KCNMA1: variants seen among roughly 807,000 people sequenced by gnomAD.
The protein encoded by KCNMA1 is potassium calcium-activated channel subfamily M alpha 1.
A neutral mutation model predicts 140.0 loss-of-function variants in KCNMA1; 29 were observed. The ratio of observed to expected loss-of-function variants is 0.21; its 90% CI spans 0.15 to 0.28. The LOEUF is 0.28. KCNMA1 is among the 10% of genes least tolerant of loss of function. The pLI, the probability that KCNMA1 is intolerant of heterozygous loss-of-function variation, is 1.00. For synonymous variants in KCNMA1, 612 were observed against 611.9 expected (o/e 1.00, Z 0.00); for missense variants, 880 against 1,602.2 (o/e 0.55, Z 7.70).
chr10:77,307,867 A>T (rs893963178), intron 2 of KCNMA1, among the ~76,000 whole-genome samples: 1 of 152,136 alleles, frequency 6.6e-6, no homozygotes, highest in African/African-American at 2.4e-5. Flanking sequence ...TTTTTAACTT[A>T]TGATATTTTC....
intron 6 of KCNMA1, among the ~76,000 whole-genome samples, chr10:77,116,669 G>A (rs1236447790): frequency 6.6e-6 from 1 of 152,000 alleles, no homozygotes; most frequent in Admixed American, 6.6e-5. Context: ...GTGAAATTCT[G>A]CCAATTCAAT....
chr10:77,063,242 G>A (rs1434920496), intron 14 of KCNMA1, among the ~76,000 whole-genome samples: 2 of 152,034 alleles, frequency 1.3e-5, no homozygotes, highest in African/African-American at 2.4e-5. Flanking sequence ...GTGAAACCCC[G>A]TCTCTACTAA....
intron 5 of KCNMA1, among the ~76,000 whole-genome samples, chr10:77,145,235 C>T (rs116176638): frequency 0.023 from 3,495 of 152,264 alleles, 137 homozygotes; most frequent in African/African-American, 0.08. Flanking sequence ...GAGCCACATG[C>T]TCTTGGAAGT....
intron 14 of KCNMA1, among the ~76,000 whole-genome samples, chr10:77,070,931 A>C (rs1199739305): frequency 3.9e-5 from 6 of 152,340 alleles, no homozygotes; most frequent in African/African-American, 1.2e-4. Context: ...ACCTTAGCCA[A>C]TTCCAACACA....
At chr10:76,894,933 T>C (rs2041850571) in intron 25 of KCNMA1, among the ~76,000 whole-genome samples, 1 of 152,144 alleles carries the variant, frequency 6.6e-6, no homozygotes, top group Non-Finnish European at 1.5e-5. Context: ...ATGCCCAATT[T>C]CTGCCTCCAA....
chr10:77,448,932 C>CA (rs1368328097), intron 1 of KCNMA1, among the ~76,000 whole-genome samples: 1 of 151,868 alleles, frequency 6.6e-6, no homozygotes, highest in East Asian at 1.9e-4. Flanking sequence ...ACTAAAAATA[C>CA]AAAAATTAGC....
At chr10:77,636,310 C>T (rs2093719606) in intron 1 of KCNMA1, 2 of 1,507,060 alleles carry the variant, frequency 1.3e-6, no homozygotes, top group East Asian at 4.9e-5. Context: ...CGACTACAGA[C>T]CAGGCAGTGA....
intron 2 of KCNMA1, among the ~76,000 whole-genome samples, chr10:77,400,688 T>C (rs2096235135): frequency 6.6e-6 from 1 of 152,180 alleles, no homozygotes. Context: ...AAAACAGAGA[T>C]GAATTCACTG....
rs1275516124 is a variant in KCNMA1 at position 77,397,166 on chromosome 10, G to GT, written c.540+6695dup. On this transcript the variant is annotated intron_variant, in intron 2 of 27. Coordinates refer to ENST00000286628, the MANE Select transcript of KCNMA1 (RefSeq NM_001161352.2). ...TGTGCCTGTATTTATCTTTGTGTGT[G>GT]TATCACTGAGTCTGTAACGCTCCTT... Among the ~76,000 whole-genome samples the GT allele has an allele frequency of 3.3e-5, 5 of 151,788 alleles. No homozygotes were observed. The East Asian group carries it at 9.8e-4, about 30-fold the overall frequency.
At chr10:77,462,451 A>C (rs773993090) in intron 1 of KCNMA1, among the ~76,000 whole-genome samples, 12 of 152,264 alleles carry the variant, frequency 7.9e-5, no homozygotes, top group Non-Finnish European at 1.6e-4. Flanking sequence ...ATACACATGC[A>C]TACACACAGA....
chr10:77,439,225 C>G (rs139350074), intron 1 of KCNMA1, among the ~76,000 whole-genome samples: 1 of 152,122 alleles, frequency 6.6e-6, no homozygotes, highest in African/African-American at 2.4e-5. Context: ...ACAGACAATA[C>G]CTGTATCCCA....
At position 77,344,267 on chromosome 10, in the gene KCNMA1, T is replaced by A. The variant is rs969568532; in HGVS notation, c.540+59595A>T. On this transcript the variant is annotated intron_variant, in intron 2 of 27. Transcript: ENST00000286628. ...GCTAAGAGGTGGAACCCAGCCAGGC[T>A]GAGTAGAAAGTAAGCCATCGACAAG... Among the ~76,000 whole-genome samples, 3 of 152,200 alleles carry A rather than the reference T, an allele frequency of 2.0e-5. No homozygotes were observed. The East Asian group carries it at 5.8e-4, about 29-fold the overall frequency.
At chr10:77,578,680 A>T (rs2074998797) in intron 1 of KCNMA1, among the ~76,000 whole-genome samples, 2 of 152,142 alleles carry the variant, frequency 1.3e-5, no homozygotes, top group South Asian at 4.1e-4. Flanking sequence ...TCCAGCCGCC[A>T]AGGGCTCTGC....
chr10:77,273,518 C>T (rs923931031), intron 2 of KCNMA1, among the ~76,000 whole-genome samples: 3 of 152,052 alleles, frequency 2.0e-5, no homozygotes, highest in African/African-American at 7.2e-5. Flanking sequence ...TTTATAGCAA[C>T]CTGAAAAGGT....
intron 23 of KCNMA1, among the ~76,000 whole-genome samples, chr10:76,933,764 A>C (rs935582851): frequency 6.6e-6 from 1 of 152,168 alleles, no homozygotes; most frequent in African/African-American, 2.4e-5. Flanking sequence ...GATCTGTAAC[A>C]AGATGCTCAA....
Position 77,235,305 on chromosome 10 carries a change from C to T in KCNMA1, c.602+15890G>A, listed in dbSNP as rs536681112. Among the ~76,000 whole-genome samples the T allele has an allele frequency of 4.6e-5, 7 of 152,248 alleles. No homozygotes were observed. The South Asian group carries it at 1.5e-3, about 32-fold the overall frequency. ...CATGGCTGGATGACATGCTTTTGAT[C>T]CCCAGCTTGAAGTTTCAGTGCTTTC... On this transcript the variant is annotated intron_variant, in intron 3 of 27. Coordinates refer to ENST00000286628, the MANE Select transcript of KCNMA1 (RefSeq NM_001161352.2).
chr10:77,357,452 G>A (rs1372578690), intron 2 of KCNMA1, among the ~76,000 whole-genome samples: 1 of 152,202 alleles, frequency 6.6e-6, no homozygotes, highest in Admixed American at 6.5e-5. Flanking sequence ...CACTGAAAGG[G>A]AGAGATGATT....
intron 5 of KCNMA1, among the ~76,000 whole-genome samples, chr10:77,171,311 T>A (rs1224076106): frequency 6.6e-5 from 10 of 152,100 alleles, no homozygotes; most frequent in Admixed American, 5.9e-4. Flanking sequence ...GAATACATAG[T>A]GTGCTTGTTC....
At position 77,547,051 on chromosome 10, in the gene KCNMA1, G is replaced by A. The variant is rs1194897712; in HGVS notation, c.378+90214C>T. Among the ~76,000 whole-genome samples the A allele has an allele frequency of 2.0e-5, 3 of 152,142 alleles. No homozygotes were observed. The East Asian group carries it at 5.8e-4, about 29-fold the overall frequency. ...CACACCAAATGTTTCCCTAAAGAGA[G>A]CCCATAACTCCACACAGGAACCCAG... On this transcript the variant is annotated intron_variant, in intron 1 of 27. Coordinates refer to ENST00000286628, the MANE Select transcript of KCNMA1 (RefSeq NM_001161352.2).
Sources: gnomAD v4.1 joint callset for allele counts (sites outside exome capture counted in the v4.1 genomes callset) on GRCh38, gnomAD v4.1.1 for gene constraint, MANE v1.5 for transcripts, NCBI Gene and HGNC (gene_info 2026-07-23, HGNC 2026-07-21) for gene names.